The following EPS8L2 variants were observed in gnomAD, a reference collection of about 807,000 sequenced individuals.
EPS8L2 encodes epidermal growth factor receptor kinase substrate 8-like protein 2.
Under a neutral mutation model 99.4 loss-of-function variants are expected in EPS8L2, and 81 were observed. That is an observed-to-expected ratio of 0.82 (90% confidence interval 0.68 to 0.98). The LOEUF is 0.98. Ranked by LOEUF, EPS8L2 falls within the 50% of genes least tolerant of loss-of-function variation. EPS8L2 has a pLI of 0.00. For synonymous variants in EPS8L2, 509 were observed against 407.3 expected (o/e 1.25, Z -3.01); for missense variants, 1,155 against 968.8 (o/e 1.19, Z -2.55).
At chr11:710,951 G>A (rs1301846846) in intron 4 of EPS8L2, among the ~76,000 whole-genome samples, 1 of 152,212 alleles carries the variant, frequency 6.6e-6, no homozygotes. Flanking sequence ...GGGTGAGGCA[G>A]CCCAGGGTGT....
At chr11:718,481 A>AT (rs748666010) in intron 4 of EPS8L2, among the ~76,000 whole-genome samples, 7,774 of 141,022 alleles carry the variant, frequency 0.055, 342 homozygotes, top group African/African-American at 0.13. Flanking sequence ...TGCTTTTTTA[A>AT]TTTTTTTTTT....
Position 726,139 on chromosome 11 carries a change from G to A in EPS8L2, c.1722G>A (p.Lys574=), listed in dbSNP as rs1862312076. 1.2e-6 allele frequency: 2 copies of A among 1,609,076 alleles called. No individual in the cohort carries two copies. The highest frequency in any genetic ancestry group is 1.7e-6 in the Non-Finnish European group (2 of 1,178,248). The change falls in exon 18 of 21, where the codon AAG becomes AAA. Residue 574 remains lysine (K), a synonymous_variant. Coordinates refer to ENST00000318562, the MANE Select transcript of EPS8L2 (RefSeq NM_022772.4). ...GGGGCCCCGCCAGCCCGACCCACAA[G>A]CTACCCCCAAGCTTCCCGGGGAACA... ...KYWGPASPTH[K]LPPSFPGNKD...
chr11:710,445 T>C lies in EPS8L2; in HGVS notation c.124T>C (p.Ser42Pro). 6.2e-7 allele frequency: 1 copy of C among 1,613,536 alleles called. No individual in the cohort carries two copies. The highest frequency in any genetic ancestry group is 8.5e-7 in the Non-Finnish European group (1 of 1,179,916). The part of the protein sequence containing the change: ...LFEQRKKYSN[S>P]NVIMHETSQY... ...AGAGCAGAGGAAGAAGTATTCCAACTCCAACGTCATCATGCACGAGACCTC... is the reference window on the plus strand; with the variant it reads ...AGAGCAGAGGAAGAAGTATTCCAACCCCAACGTCATCATGCACGAGACCTC... Residue 42 changes from serine to proline, a missense_variant, in exon 4 of 21, where the codon TCC (serine) becomes CCC (proline). Ser to Pro is a moderately conservative substitution (Grantham distance 74). Transcript: ENST00000318562.
chr11:710,684 G>A (rs191132967), intron 4 of EPS8L2, among the ~76,000 whole-genome samples, 198 bp downstream of exon 4: 2 of 152,322 alleles, frequency 1.3e-5, no homozygotes, highest in African/African-American at 2.4e-5. Context: ...AGCCAAGATC[G>A]CACCACTGCA....
chr11:725,970 T>A, intron 17 of EPS8L2, 123 bp downstream of exon 17: 1 of 1,324,412 alleles, frequency 7.6e-7, no homozygotes, highest in Non-Finnish European at 1.0e-6. Context: ...CAGGGCTCCC[T>A]GGGCAGAAGG....
At chr11:726,806 C>T (rs181571245) in intron 20 of EPS8L2, 55 bp downstream of exon 20, 16 of 1,579,564 alleles carry the variant, frequency 1.0e-5, no homozygotes, top group South Asian at 2.3e-5. Context: ...GCCCTCCTCT[C>T]CCCCGCCCGT....
At chr11:709,304 T>C in intron 1 of EPS8L2, 26 bp from the exon 2 acceptor site, 1 of 1,351,568 alleles carries the variant, frequency 7.4e-7, no homozygotes, top group Non-Finnish European at 1.0e-6. Flanking sequence ...GGAGGAAGTG[T>C]CAGCGCAGCC....
At chr11:710,545 T>C in intron 4 of EPS8L2, 59 bp downstream of exon 4, 1 of 1,448,240 alleles carries the variant, frequency 6.9e-7, no homozygotes, top group Admixed American at 1.7e-5. Flanking sequence ...GACATGGCTG[T>C]CCTCAGGTTC....
intron 4 of EPS8L2, among the ~76,000 whole-genome samples, chr11:711,118 C>T (rs1263080295): frequency 6.6e-6 from 1 of 152,156 alleles, no homozygotes; most frequent in African/African-American, 2.4e-5. Context: ...GGCTGCTTCT[C>T]AGGGCTCAGA....
chr11:721,818 C>A, intron 10 of EPS8L2, 85 bp from the exon 11 acceptor site: 1 of 1,522,550 alleles, frequency 6.6e-7, no homozygotes, highest in East Asian at 2.4e-5. Context: ...AGGTCCAGCC[C>A]ACACAGATGG....
chr11:726,931 C>A lies in EPS8L2; in HGVS notation c.2098C>A (p.Leu700Ile). 1 of 1,613,426 alleles carries A rather than the reference C, an allele frequency of 6.2e-7. No individual in the cohort carries two copies. Among genetic ancestry groups the A allele is most frequent in the Non-Finnish European group, 8.5e-7 (1 of 1,179,936 alleles). The part of the protein sequence containing the change: ...KQQSGSELEE[L>I]MNKFHSMNQR... ...GCAAAGTGGGTCGGAGCTGGAAGAA[C>A]TCATGAACAAGTTTCATTCCATGAA... is the stretch of plus-strand genomic sequence containing the variant. The change falls in exon 21 of 21, where the codon CTC becomes ATC. Residue 700 changes from leucine (L) to isoleucine (I), a missense_variant. Coordinates refer to ENST00000318562, the MANE Select transcript of EPS8L2 (RefSeq NM_022772.4).
intron 9 of EPS8L2, 76 bp downstream of exon 9, chr11:721,428 C>T (rs1862171189): frequency 2.0e-6 from 3 of 1,499,932 alleles, no homozygotes; most frequent in Non-Finnish European, 1.8e-6. Context: ...GCTGTCCCTC[C>T]GGCCAGTCCC....
chr11:714,402 T>C (rs1304197690), intron 4 of EPS8L2, among the ~76,000 whole-genome samples: 2 of 151,570 alleles, frequency 1.3e-5, no homozygotes, highest in African/African-American at 2.4e-5. Context: ...GCTCATTTTT[T>C]GTATTTTCAT....
rs969566910 is a variant in EPS8L2, at chr11:726,484, G to A, written c.1934G>A (p.Arg645Gln). 3.2e-6 allele frequency: 5 copies of A among 1,551,080 alleles called. No individual in the cohort carries two copies. Among genetic ancestry groups the A allele is most frequent in the East Asian group, 2.4e-5 (1 of 41,150 alleles). ...AWLEAKAFSP[R>Q]IVENLGILTG... is the part of the protein sequence containing the mutation. ...CTGGAAGCCAAGGCCTTCAGCCCGC[G>A]GTGAGCGGGGGCGGGGGATGAGCTG... The change falls in exon 19 of 21, where the codon CGG becomes CAG. Residue 645 changes from arginine (R) to glutamine (Q), a missense_variant and splice_region_variant. Physicochemically the swap from Arg to Gln is conservative, Grantham distance 43. Transcript: ENST00000318562.
At chr11:726,507 C>G in intron 19 of EPS8L2, 23 bp downstream of exon 19, 2 of 1,529,060 alleles carry the variant, frequency 1.3e-6, no homozygotes, top group South Asian at 1.2e-5. Flanking sequence ...GGGGGATGAG[C>G]TGGGGCCCGG....
chr11:711,712 G>T (rs573991697), intron 4 of EPS8L2, among the ~76,000 whole-genome samples: 1 of 152,034 alleles, frequency 6.6e-6, no homozygotes, highest in Non-Finnish European at 1.5e-5. Flanking sequence ...GGCCAGGCGC[G>T]GTGGCTCACG....
At position 722,148 on chromosome 11, in the gene EPS8L2, T is replaced by G. The variant is rs1326844042; in HGVS notation, c.1042T>G (p.Phe348Val). Reference sequence around the variant, plus strand: ...CGCCGCGGAGCTCGTGCACTTCCTCTTCGGGCCTCTGGACCTGGTGCCTGG... The same window carrying G: ...CGCCGCGGAGCTCGTGCACTTCCTCGTCGGGCCTCTGGACCTGGTGCCTGG... ...PSAAELVHFL[F>V]GPLDLIVNTC... is the part of the protein sequence containing the mutation. The change falls in exon 12 of 21, where the codon TTC becomes GTC. Residue 348 changes from phenylalanine (F) to valine (V), a missense_variant. Transcript: ENST00000318562. The G allele has an allele frequency of 1.9e-6, 3 of 1,612,660 alleles. No homozygotes were observed. In the Admixed American group the frequency reaches 5.0e-5, roughly 27 times the overall value.
rs995037946 is a variant in EPS8L2, at chr11:722,411, C to T, written c.1070C>T (p.Thr357Ile). Reference protein sequence around the residue: ...LFGPLDLIVNTCSGPDIARSV... With the variant: ...LFGPLDLIVNICSGPDIARSV... ...CTCACTGTGCCCCAGATCGTCAACA[C>T]CTGCAGTGGCCCAGACATCGCACGC... Residue 357 changes from threonine to isoleucine, a missense_variant, in exon 13 of 21, where the codon ACC (threonine) becomes ATC (isoleucine). Physicochemically the swap from Thr to Ile is moderately conservative, Grantham distance 89. Coordinates refer to ENST00000318562, the MANE Select transcript of EPS8L2 (RefSeq NM_022772.4). The T allele has an allele frequency of 3.7e-6, 6 of 1,612,952 alleles. No individual in the cohort carries two copies. The African/African-American group carries it at 5.3e-5, about 14-fold the overall frequency.
chr11:721,097 C>T lies in EPS8L2; in HGVS notation c.591C>T (p.Ser197=), dbSNP rs1862160715. 9.9e-6 allele frequency: 15 copies of T among 1,520,972 alleles called. No individual in the cohort carries two copies. The highest frequency in any genetic ancestry group is 1.3e-5 in the Non-Finnish European group (15 of 1,135,816). The allele number at this position is 1,520,972 out of a possible 1,614,324, so 94.2% of individuals were successfully genotyped here. ...AGGAGAAGATTCGGCAGCGGCAGTCCATCCTGCCTCCTCCCCAGGGCCCGG... is the reference window on the plus strand; with the variant it reads ...AGGAGAAGATTCGGCAGCGGCAGTCTATCCTGCCTCCTCCCCAGGGCCCGG... ...GHQEKIRQRQ[S]ILPPPQGPAP... Residue 197 remains serine (S), a synonymous_variant, in exon 8 of 21, where the codon TCC becomes TCT. Transcript: ENST00000318562.
Sources: allele counts gnomAD v4.1 joint callset (sites outside exome capture counted in the v4.1 genomes callset), GRCh38; gene constraint gnomAD v4.1.1; transcripts MANE v1.5; gene names NCBI Gene and HGNC (gene_info 2026-07-23, HGNC 2026-07-21).